Variants in CLIP4 observed in about 807,000 individuals in gnomAD.
CLIP4 encodes CAP-Gly domain-containing linker protein 4.
In CLIP4, 47 loss-of-function variants were observed where a neutral mutation model predicts 73.1. The observed-to-expected ratio is 0.64, with a 90% CI of 0.51 to 0.82. The LOEUF is 0.82. Among genes scored for constraint, CLIP4 ranks in the 40% least tolerant of loss-of-function variants. The pLI, the probability that CLIP4 is intolerant of heterozygous loss-of-function variation, is 0.00. For synonymous variants in CLIP4, 306 were observed against 295.4 expected, an observed-to-expected ratio of 1.04 and a Z score of -0.37; for missense variants, 874 against 852.9, an observed-to-expected ratio of 1.02 and a Z score of -0.31.
At chr2:29,155,270 C>G (rs139867123) in intron 9 of CLIP4, among the ~76,000 whole-genome samples, 1 of 152,258 alleles carries the variant, frequency 6.6e-6, no homozygotes, top group African/African-American at 2.4e-5. Flanking sequence ...GCACTACAGC[C>G]TGGCTAACAG....
At chr2:29,133,912 A>C (rs766689049) in intron 5 of CLIP4, 96 bp downstream of exon 5, 226 of 1,079,154 alleles carry the variant, frequency 2.1e-4, no homozygotes, top group Non-Finnish European at 2.7e-4. Flanking sequence ...CTTCTAATCC[A>C]TCTTGTTTCA....
At chr2:29,168,816 C>A (rs954398180) in intron 14 of CLIP4, among the ~76,000 whole-genome samples, 2 of 151,998 alleles carry the variant, frequency 1.3e-5, no homozygotes, top group African/African-American at 2.4e-5. Flanking sequence ...GCCACCACGC[C>A]CAGCCTGCAC....
intron 14 of CLIP4, among the ~76,000 whole-genome samples, chr2:29,172,874 T>C (rs1668100542): frequency 6.6e-6 from 1 of 152,178 alleles, no homozygotes; most frequent in Non-Finnish European, 1.5e-5. Context: ...TTATAAAAAT[T>C]GTCTTTTTTT....
At chr2:29,164,844 A>G (rs776269949) in intron 13 of CLIP4, among the ~76,000 whole-genome samples, 38 of 152,154 alleles carry the variant, frequency 2.5e-4, no homozygotes, top group Admixed American at 9.2e-4. Context: ...ATTTCCTTCT[A>G]TGATATACTT....
At chr2:29,138,651 T>C (rs895365160) in intron 6 of CLIP4, among the ~76,000 whole-genome samples, 10 of 152,124 alleles carry the variant, frequency 6.6e-5, no homozygotes, top group African/African-American at 2.4e-4. Context: ...GCATGGAGTG[T>C]TTTTCCATTT....
At chr2:29,135,872 G>A (rs1665317424) in intron 6 of CLIP4, among the ~76,000 whole-genome samples, 1 of 152,062 alleles carries the variant, frequency 6.6e-6, no homozygotes, top group Non-Finnish European at 1.5e-5. Flanking sequence ...ATATTGATAA[G>A]TCCCATTCAG....
intron 1 of CLIP4, among the ~76,000 whole-genome samples, chr2:29,102,648 CAG>C (rs1257703183): frequency 2.0e-5 from 3 of 150,734 alleles, no homozygotes; most frequent in African/African-American, 7.3e-5. Flanking sequence ...TTTTTTGAGA[CAG>C]AGTCTCACTC....
chr2:29,146,359 A>G (rs924566223), intron 8 of CLIP4, among the ~76,000 whole-genome samples: 1 of 152,182 alleles, frequency 6.6e-6, no homozygotes, highest in Admixed American at 6.5e-5. Context: ...GAAAACTGGA[A>G]AAATCAAGCA....
At chr2:29,113,266 C>T (rs116921626), upstream of CLIP4, among the ~76,000 whole-genome samples, 8 of 152,296 alleles carry the variant, frequency 5.3e-5, no homozygotes, top group East Asian at 1.9e-4. The surrounding 1 kb of genome is among the most constrained non-coding windows in gnomAD (Gnocchi z 4.0). Context: ...CACCTCCTGA[C>T]GCTGTGGATT....
At chr2:29,147,217 CT>C (rs1254300475) in intron 8 of CLIP4, among the ~76,000 whole-genome samples, 1 of 151,844 alleles carries the variant, frequency 6.6e-6, no homozygotes, top group Non-Finnish European at 1.5e-5. Flanking sequence ...AAATAGAACA[CT>C]TTTTAAAGTG....
chr2:29,153,811 A>G (rs1448912578), intron 9 of CLIP4, among the ~76,000 whole-genome samples: 1 of 152,198 alleles, frequency 6.6e-6, no homozygotes, highest in Non-Finnish European at 1.5e-5. Flanking sequence ...GCACTCCATA[A>G]TAAGTAGTTT....
intron 2 of CLIP4, among the ~76,000 whole-genome samples, chr2:29,127,129 T>A (rs1664659205): frequency 6.6e-6 from 1 of 152,184 alleles, no homozygotes; most frequent in African/African-American, 2.4e-5. Flanking sequence ...ATAGTGAATA[T>A]GTACACATTC....
intron 13 of CLIP4, among the ~76,000 whole-genome samples, chr2:29,166,313 C>T (rs1286337159): frequency 6.6e-6 from 1 of 151,984 alleles, no homozygotes; most frequent in Non-Finnish European, 1.5e-5. Flanking sequence ...TATGGCTGGC[C>T]TTTCCCCCCA....
At position 29,143,948 on chromosome 2, in the gene CLIP4, A is replaced by G. The variant is rs759605334; in HGVS notation, c.885+3A>G. On this transcript the variant is annotated splice_donor_region_variant and intron_variant, in intron 7 of 15. Transcript: ENST00000320081. ...GTGTTGTTATTGCAGGACAGAAGGT[A>G]CAGTAAGTAACTGCAATCTCTGAAG... The G allele has an allele frequency of 6.2e-7, 1 of 1,611,560 alleles. No individual in the cohort carries two copies. Among genetic ancestry groups the G allele is most frequent in the East Asian group, 2.2e-5 (1 of 44,886 alleles).
At chr2:29,118,448 T>C (rs1664018706) in intron 1 of CLIP4, 1 of 152,148 alleles carries the variant, frequency 6.6e-6, no homozygotes, top group African/African-American at 2.4e-5. Flanking sequence ...AAATCAGAGT[T>C]TGGGGAATTT....
intron 13 of CLIP4, among the ~76,000 whole-genome samples, 177 bp from the exon 14 acceptor site, chr2:29,167,299 A>G (rs189642189): frequency 6.9e-4 from 105 of 152,234 alleles, no homozygotes; most frequent in Admixed American, 6.7e-3. Context: ...AACCTCTTCT[A>G]TTTAATTATT....
At chr2:29,128,897 T>C (rs1664789175) in intron 2 of CLIP4, among the ~76,000 whole-genome samples, 1 of 151,988 alleles carries the variant, frequency 6.6e-6, no homozygotes, top group Non-Finnish European at 1.5e-5. Flanking sequence ...CACGTTTCCT[T>C]ATATTATAAT....
intron 6 of CLIP4, among the ~76,000 whole-genome samples, chr2:29,138,510 A>G (rs569538558): frequency 2.2e-4 from 33 of 148,196 alleles, no homozygotes; most frequent in African/African-American, 8.2e-4. Context: ...TTGGCTCCAT[A>G]TGAATTTTAG....
chr2:29,130,164 GC>G (rs1664874382), intron 2 of CLIP4: 8 of 437,424 alleles, frequency 1.8e-5, no homozygotes, highest in Admixed American at 1.7e-4. Flanking sequence ...AGCAGCCAGT[GC>G]TGCGGCCCTG....
Sources: allele counts gnomAD v4.1 joint callset (sites outside exome capture counted in the v4.1 genomes callset), GRCh38; gene constraint gnomAD v4.1.1; non-coding constraint Gnocchi (gnomAD v3.1); transcripts MANE v1.5; gene names NCBI Gene and HGNC (gene_info 2026-07-23, HGNC 2026-07-21).